The following ANO4 variants were observed in gnomAD, a reference collection of about 807,000 sequenced individuals.
ANO4 encodes the protein anoctamin 4.
ANO4 carries 69 observed loss-of-function variants against 141.9 expected under a neutral mutation model. That is an observed-to-expected ratio of 0.49 (90% CI 0.40 to 0.59). The LOEUF (loss-of-function observed/expected upper bound fraction) is 0.59. Ranked by LOEUF, ANO4 falls within the 20% of genes least tolerant of loss-of-function variation. The pLI, the probability that ANO4 is intolerant of heterozygous loss-of-function variation, is 0.00. For missense variants in ANO4, 894 were observed against 1,162.2 expected (o/e 0.77, Z 3.36); for synonymous variants, 350 against 394.3 (o/e 0.89, Z 1.33).
upstream of ANO4, among the ~76,000 whole-genome samples, chr12:100,794,153 A>G (rs1028105181): frequency 2.1e-3 from 319 of 152,134 alleles, 4 homozygotes; most frequent in Non-Finnish European, 1.9e-4. Flanking sequence ...CTCTGTCTTA[A>G]ATTTTTCACT....
intron 1 of ANO4, among the ~76,000 whole-genome samples, chr12:100,860,195 A>T (rs1166452392): frequency 6.6e-6 from 1 of 152,168 alleles, no homozygotes; most frequent in Non-Finnish European, 1.5e-5. Flanking sequence ...TTGGAGTTTG[A>T]TGCTGAGCTT....
At chr12:101,059,046 A>C (rs2048241376) in intron 14 of ANO4, among the ~76,000 whole-genome samples, 1 of 152,148 alleles carries the variant, frequency 6.6e-6, no homozygotes, top group African/African-American at 2.4e-5. Context: ...ATCAATACCT[A>C]GTTTACTGAG....
chr12:101,030,439 G>A (rs1055155532), intron 9 of ANO4, among the ~76,000 whole-genome samples: 4 of 152,272 alleles, frequency 2.6e-5, no homozygotes, highest in Admixed American at 6.5e-5. Context: ...TGAGAACAAA[G>A]AGACAACATA....
chr12:100,854,398 G>A (rs141815264), intron 1 of ANO4, among the ~76,000 whole-genome samples: 123 of 152,112 alleles, frequency 8.1e-4, no homozygotes, highest in South Asian at 3.3e-3. Context: ...CTAGAGACCC[G>A]TGTTTTCCTT....
At chr12:101,056,704 G>C (rs1161823905) in intron 14 of ANO4, among the ~76,000 whole-genome samples, 1 of 151,792 alleles carries the variant, frequency 6.6e-6, no homozygotes, top group Non-Finnish European at 1.5e-5. Context: ...CATTAAGTAT[G>C]ATAGAAACCA....
At chr12:100,872,228 A>G (rs534111019) in intron 1 of ANO4, among the ~76,000 whole-genome samples, 3 of 152,092 alleles carry the variant, frequency 2.0e-5, no homozygotes, top group Non-Finnish European at 4.4e-5. Flanking sequence ...CTTTGTTCCC[A>G]CCTTTCCCTT....
chr12:100,908,210 G>A (rs886345293), intron 2 of ANO4, among the ~76,000 whole-genome samples: 1 of 152,090 alleles, frequency 6.6e-6, no homozygotes, highest in Non-Finnish European at 1.5e-5. Flanking sequence ...TTAGCCGGAC[G>A]TGGTGGTGCA....
intron 9 of ANO4, among the ~76,000 whole-genome samples, chr12:101,026,828 G>C (rs1265860009): frequency 6.6e-6 from 1 of 151,522 alleles, no homozygotes; most frequent in Non-Finnish European, 1.5e-5. Flanking sequence ...GTTAACCAAG[G>C]GTTTCTTAAA....
intron 3 of ANO4, among the ~76,000 whole-genome samples, chr12:100,937,889 C>T (rs1001809781): frequency 6.6e-6 from 1 of 152,140 alleles, no homozygotes; most frequent in Non-Finnish European, 1.5e-5. Flanking sequence ...TTCTTGCCTC[C>T]CTCTTCTTAA....
At chr12:100,853,212 C>T (rs1254207106) in intron 1 of ANO4, among the ~76,000 whole-genome samples, 1 of 152,146 alleles carries the variant, frequency 6.6e-6, no homozygotes, top group Non-Finnish European at 1.5e-5. Flanking sequence ...CTGGAATATG[C>T]ACGGCAAACA....
intron 2 of ANO4, among the ~76,000 whole-genome samples, chr12:100,908,522 A>G (rs187148543): frequency 6.6e-6 from 1 of 152,056 alleles, no homozygotes; most frequent in East Asian, 1.9e-4. Flanking sequence ...ACAATTAGAA[A>G]CTTGTTATTT....
chr12:101,010,912 G>C (rs538150658), intron 8 of ANO4, among the ~76,000 whole-genome samples: 1 of 152,230 alleles, frequency 6.6e-6, no homozygotes, highest in South Asian at 2.1e-4. Context: ...TTAGCAATTT[G>C]TGCTAGATTC....
At chr12:101,016,024 C>T (rs1333024881) in intron 8 of ANO4, among the ~76,000 whole-genome samples, 2 of 152,162 alleles carry the variant, frequency 1.3e-5, no homozygotes, top group Admixed American at 6.5e-5. Flanking sequence ...GATCCTTAGA[C>T]ATGCAGTGTG....
chr12:100,764,670 A>C (rs1013625141), intron 3 of ANO4, among the ~76,000 whole-genome samples: 2 of 151,904 alleles, frequency 1.3e-5, no homozygotes, highest in African/African-American at 4.8e-5. Context: ...TAATCAGCAC[A>C]TGTTTGATTA....
rs1329027290 is a variant in ANO4, at chr12:100,971,995, C to A, written c.557+589C>A. 2.0e-5 allele frequency among the ~76,000 whole-genome samples: 3 copies of A among 152,288 alleles called. No individual in the cohort carries two copies. In the East Asian group the frequency reaches 5.8e-4, roughly 29 times the overall value. On this transcript the variant is annotated intron_variant, in intron 6 of 27. Coordinates refer to ENST00000392977, the MANE Select transcript of ANO4 (RefSeq NM_001286615.2). ...TTATTTAAAAGGATTAATTTACCTT[C>A]ATTTCACAATGAATATTTTTATTTT...
chr12:100,935,621 T>C (rs962463137), intron 3 of ANO4, among the ~76,000 whole-genome samples: 2 of 152,172 alleles, frequency 1.3e-5, no homozygotes, highest in Non-Finnish European at 2.9e-5. Context: ...TTTGTGATGT[T>C]CGTGCCCATG....
intron 9 of ANO4, among the ~76,000 whole-genome samples, 199 bp from the exon 10 acceptor site, chr12:101,036,896 A>G (rs1230675073): frequency 3.3e-5 from 5 of 152,190 alleles, no homozygotes; most frequent in Admixed American, 3.3e-4. Context: ...ACGGTCAAAT[A>G]TTTTAATTTT....
chr12:100,976,745 T>G (rs1053782798), intron 7 of ANO4, among the ~76,000 whole-genome samples: 3 of 152,152 alleles, frequency 2.0e-5, no homozygotes, highest in Admixed American at 6.5e-5. Context: ...TTTGACTGAC[T>G]ATGGGACGGG....
At chr12:100,858,597 G>C (rs905782745) in intron 1 of ANO4, among the ~76,000 whole-genome samples, 14 of 152,050 alleles carry the variant, frequency 9.2e-5, no homozygotes, top group African/African-American at 2.7e-4. Flanking sequence ...AAGATATTTT[G>C]ATGTAAAAGA....
Sources: allele counts gnomAD v4.1 joint callset (sites outside exome capture counted in the v4.1 genomes callset), GRCh38; gene constraint gnomAD v4.1.1; transcripts MANE v1.5; gene names NCBI Gene and HGNC (gene_info 2026-07-23, HGNC 2026-07-21).